Variants in MYL3 observed in about 807,000 individuals in gnomAD.
The protein encoded by MYL3 is CMLC1.
Under a neutral mutation model 21.3 loss-of-function variants are expected in MYL3, and 11 were observed. That is an observed-to-expected ratio of 0.52 (90% CI 0.32 to 0.85). The LOEUF (loss-of-function observed/expected upper bound fraction) is 0.85. Ranked by LOEUF, MYL3 falls within the 40% of genes least tolerant of loss-of-function variation. MYL3 has a pLI of 0.03. For synonymous variants in MYL3, 88 were observed against 91.6 expected, an observed-to-expected ratio of 0.96 and a Z score of 0.22; for missense variants, 206 against 253.3, an observed-to-expected ratio of 0.81 and a Z score of 1.27.
intron 1 of MYL3, among the ~76,000 whole-genome samples, chr3:46,869,936 G>A (rs576518875): frequency 1.3e-5 from 2 of 151,692 alleles, no homozygotes; most frequent in South Asian, 2.1e-4. Flanking sequence ...AGGAGGAACC[G>A]GCTCCCCTGG....
At chr3:46,870,983 C>T (rs1248312803) in intron 1 of MYL3, among the ~76,000 whole-genome samples, 2 of 152,244 alleles carry the variant, frequency 1.3e-5, no homozygotes, top group Non-Finnish European at 2.9e-5. Flanking sequence ...GAAACCTTTG[C>T]ATGCATGTTC....
rs562918078 is a variant in MYL3 at position 46,859,302 on chromosome 3, C to T, written c.481+173G>A. Among the ~76,000 whole-genome samples the T allele has an allele frequency of 8.5e-5, 13 of 152,338 alleles. No individual in the cohort carries two copies. Among genetic ancestry groups the T allele is most frequent in the African/African-American group, 3.1e-4 (13 of 41,588 alleles). ...ATCCCCCTTCTGTGAGCTGCACCAG[C>T]ATGCTTGCTTTACTCTCCTCCTAAG... is the stretch of plus-strand genomic sequence containing the variant. On this transcript the variant is annotated intron_variant, in intron 4 of 6. Transcript: ENST00000292327. The surrounding 1 kb of genome is among the most constrained non-coding windows in gnomAD (Gnocchi z 4.1).
At chr3:46,871,244 G>A (rs577196278) in intron 1 of MYL3, among the ~76,000 whole-genome samples, 18 of 152,166 alleles carry the variant, frequency 1.2e-4, no homozygotes, top group South Asian at 1.0e-3. Flanking sequence ...TGCCTGGCAC[G>A]GTAGTGTCCG....
chr3:46,881,424 G>C (rs1430834487), intron 1 of MYL3, among the ~76,000 whole-genome samples: 1 of 152,180 alleles, frequency 6.6e-6, no homozygotes, highest in African/African-American at 2.4e-5. Flanking sequence ...CGAGCCGGCC[G>C]ATAGCTTTTG....
upstream of MYL3, among the ~76,000 whole-genome samples, chr3:46,867,378 T>G (rs1448385229): frequency 6.6e-6 from 1 of 151,958 alleles, no homozygotes; most frequent in African/African-American, 2.4e-5. Flanking sequence ...ACAAGGCCAG[T>G]GGGAAGGGGC....
chr3:46,869,739 C>G (rs1702088931), intron 1 of MYL3, among the ~76,000 whole-genome samples: 1 of 152,158 alleles, frequency 6.6e-6, no homozygotes, highest in Non-Finnish European at 1.5e-5. Flanking sequence ...CAAGCCTGTT[C>G]ATCTGTTGGC....
Position 46,860,669 on chromosome 3 carries a change from G to T in MYL3, c.307+7C>A. 2 of 1,613,194 alleles carry T rather than the reference G, an allele frequency of 1.2e-6. No individual in the cohort carries two copies. The highest frequency in any genetic ancestry group is 1.7e-6 in the Non-Finnish European group (2 of 1,180,020). On this transcript the variant is annotated splice_region_variant and intron_variant, in intron 3 of 6. Coordinates refer to ENST00000292327, the MANE Select transcript of MYL3 (RefSeq NM_000258.3). The surrounding 1 kb of genome is among the most constrained non-coding windows in gnomAD (Gnocchi z 4.6). ...ACACTATGGGGGCTCTCGGGCAGGT[G>T]CACTACCTTCCTGTCTTGGCTTCCC...
chr3:46,863,649 G>C (rs558254833), upstream of MYL3, among the ~76,000 whole-genome samples: 14 of 152,252 alleles, frequency 9.2e-5, no homozygotes, highest in South Asian at 2.9e-3. Flanking sequence ...CTGTTGGGAA[G>C]GGGGAGGGAG....
chr3:46,858,027 C>T lies in MYL3; in HGVS notation c.*88G>A. Reference sequence around the variant, plus strand: ...AGTCTTGGTAAGGCTCCCCTCCTTCCCACGACTCCAGGCCGCTGGTGTCAG... The same window carrying T: ...AGTCTTGGTAAGGCTCCCCTCCTTCTCACGACTCCAGGCCGCTGGTGTCAG... On this transcript the variant is annotated 3_prime_UTR_variant, in exon 7 of 7. Coordinates refer to ENST00000292327, the MANE Select transcript of MYL3 (RefSeq NM_000258.3). The T allele has an allele frequency of 3.1e-6, 2 of 645,878 alleles. No homozygotes were observed. Among genetic ancestry groups the T allele is most frequent in the Non-Finnish European group, 5.4e-6 (2 of 367,158 alleles). 40.0% of individuals were successfully genotyped at this position (645,878 alleles called of 1,614,324 possible). A position where few individuals can be genotyped will look rare whatever the true frequency, so the allele number is the denominator to read the frequency against.
chr3:46,860,645 C>T lies in MYL3; in HGVS notation c.307+31G>A. ...ACCCAGCCAGTCTCCCCGGTACTAA[C>T]ACTATGGGGGCTCTCGGGCAGGTGC... On this transcript the variant is annotated intron_variant, in intron 3 of 6. Coordinates refer to ENST00000292327, the MANE Select transcript of MYL3 (RefSeq NM_000258.3). This position sits in a 1 kb window ranked among gnomAD's most constrained non-coding sequence, Gnocchi z 4.6. The T allele has an allele frequency of 6.2e-7, 1 of 1,611,056 alleles. No homozygotes were observed. Among genetic ancestry groups the T allele is most frequent in the Non-Finnish European group, 8.5e-7 (1 of 1,179,950 alleles).
chr3:46,864,862 C>T (rs1231635810), upstream of MYL3, among the ~76,000 whole-genome samples: 5 of 152,328 alleles, frequency 3.3e-5, no homozygotes, highest in East Asian at 9.6e-4. This position sits in a 1 kb window ranked among gnomAD's most constrained non-coding sequence, Gnocchi z 4.7. Context: ...GGTGGGAGGG[C>T]TGAGGTGGCA....
rs1292613906 is a variant in MYL3 at position 46,861,772 on chromosome 3, G to T, written c.130-785C>A. Among the ~76,000 whole-genome samples, 1 of 152,112 alleles carries T rather than the reference G, an allele frequency of 6.6e-6. No individual in the cohort carries two copies. The highest frequency in any genetic ancestry group is 1.9e-4 in the East Asian group (1 of 5,194). On this transcript the variant is annotated intron_variant, in intron 1 of 6. Coordinates refer to ENST00000292327, the MANE Select transcript of MYL3 (RefSeq NM_000258.3). The surrounding 1 kb of genome is among the most constrained non-coding windows in gnomAD (Gnocchi z 4.2). ...GGATACCAGGTCTATTTTTATCACT[G>T]CAGTCACTCGCCCCAAGGTCAAGGT...
At chr3:46,868,581 C>G (rs1702072616) in intron 1 of MYL3, among the ~76,000 whole-genome samples, 1 of 152,318 alleles carries the variant, frequency 6.6e-6, no homozygotes, top group East Asian at 1.9e-4. Flanking sequence ...ACGCTTAGGG[C>G]TGTGGTGTCC....
At chr3:46,877,113 A>G (rs1346985904) in intron 1 of MYL3, among the ~76,000 whole-genome samples, 2 of 152,110 alleles carry the variant, frequency 1.3e-5, no homozygotes, top group Non-Finnish European at 2.9e-5. Flanking sequence ...CCTCACCAGG[A>G]GCCCACATTC....
At position 46,861,091 on chromosome 3, in the gene MYL3, G is replaced by T; in HGVS notation, c.130-104C>A. 1 of 1,369,232 alleles carries T rather than the reference G, an allele frequency of 7.3e-7. No homozygotes were observed. The highest frequency in any genetic ancestry group is 1.0e-6 in the Non-Finnish European group (1 of 964,314). 84.8% of individuals were successfully genotyped at this position (1,369,232 alleles called of 1,614,324 possible). A position where few individuals can be genotyped will look rare whatever the true frequency, so the allele number is the denominator to read the frequency against. On this transcript the variant is annotated intron_variant, in intron 1 of 6. Transcript: ENST00000292327. This position sits in a 1 kb window ranked among gnomAD's most constrained non-coding sequence, Gnocchi z 4.2. ...CCCAGAATGTCAACTGTCTCAGCCT[G>T]TCCCATTCCAGCATCCCAGCCTGCA...
rs546292483 is a variant in MYL3, at chr3:46,868,566, G to A, written c.-217-1966C>T. ...TCCTGCCCCTCTGATCCCGGCCCAG[G>A]ACTGACGCTTAGGGCTGTGGTGTCC... On this transcript the variant is annotated intron_variant, in intron 1 of 3. Coordinates refer to the MYL3 transcript ENST00000431168. Among the ~76,000 whole-genome samples, 7 of 152,336 alleles carry A rather than the reference G, an allele frequency of 4.6e-5. No individual in the cohort carries two copies. The South Asian group carries it at 1.4e-3, about 32-fold the overall frequency.
upstream of MYL3, among the ~76,000 whole-genome samples, chr3:46,864,478 C>G (rs889857127): frequency 6.6e-6 from 1 of 152,106 alleles, no homozygotes; most frequent in Non-Finnish European, 1.5e-5. The surrounding 1 kb of genome is among the most constrained non-coding windows in gnomAD (Gnocchi z 4.7). Flanking sequence ...ATGCACATTT[C>G]CCTACACACC....
rs1002185985 is a variant in MYL3, at chr3:46,859,948, G to A, written c.308-300C>T. Among the ~76,000 whole-genome samples, 11 of 152,184 alleles carry A rather than the reference G, an allele frequency of 7.2e-5. No homozygotes were observed. Among genetic ancestry groups the A allele is most frequent in the African/African-American group, 2.7e-4 (11 of 41,446 alleles). On this transcript the variant is annotated intron_variant, in intron 3 of 6. Transcript: ENST00000292327. This position sits in a 1 kb window ranked among gnomAD's most constrained non-coding sequence, Gnocchi z 4.1. Reference sequence around the variant, plus strand: ...ACCCCTTGCCTACTTTTGGGAAACAGTCCTCCCCTCGTGGCATTTTCTTAT... The same window carrying A: ...ACCCCTTGCCTACTTTTGGGAAACAATCCTCCCCTCGTGGCATTTTCTTAT...
upstream of MYL3, among the ~76,000 whole-genome samples, chr3:46,868,152 C>G (rs1559521826): frequency 6.6e-6 from 1 of 152,158 alleles, no homozygotes. Flanking sequence ...GGGCCCACCT[C>G]CCAGAGGCAC....
Sources: allele counts gnomAD v4.1 joint callset (sites outside exome capture counted in the v4.1 genomes callset), GRCh38; gene constraint gnomAD v4.1.1; non-coding constraint Gnocchi (gnomAD v3.1); transcripts MANE v1.5; gene names NCBI Gene and HGNC (gene_info 2026-07-23, HGNC 2026-07-21).